Variants in LRRC7 observed in about 807,000 individuals in gnomAD.
LRRC7 encodes leucine-rich repeat-containing protein 7.
LRRC7 carries 23 observed loss-of-function variants against 175.7 expected under a neutral mutation model. That is an observed-to-expected ratio of 0.13 (90% CI 0.09 to 0.19). LRRC7 has a LOEUF of 0.19. Ranked by LOEUF, LRRC7 falls within the 10% of genes least tolerant of loss-of-function variation. LRRC7 has a pLI of 1.00. For missense variants in LRRC7, 1,354 were observed against 1,904.7 expected, an observed-to-expected ratio of 0.71 and a Z score of 5.38; for synonymous variants, 685 against 680.9, an observed-to-expected ratio of 1.01 and a Z score of -0.09.
In LRRC7 at chr1:69,684,529, C is replaced by G. The variant is rs933031470; in HGVS notation, c.100+6051C>G. ...GACTCACCTTTCCTGATACTCAATT[C>G]TAAATGAAGCTAAACACTCTGGAAA... On this transcript the variant is annotated intron_variant, in intron 2 of 26. Transcript: ENST00000651989. Among the ~76,000 whole-genome samples the G allele has an allele frequency of 2.0e-5, 3 of 152,108 alleles. No homozygotes were observed. The East Asian group carries it at 5.8e-4, about 29-fold the overall frequency.
chr1:69,948,883 A>G (rs141098939), intron 8 of LRRC7, among the ~76,000 whole-genome samples: 13 of 152,288 alleles, frequency 8.5e-5, no homozygotes, highest in African/African-American at 3.1e-4. Flanking sequence ...AGTTAGGTAG[A>G]ACACTGCCTC....
chr1:69,639,481 A>G (rs1466722888), intron 1 of LRRC7, among the ~76,000 whole-genome samples: 1 of 151,794 alleles, frequency 6.6e-6, no homozygotes, highest in Non-Finnish European at 1.5e-5. Flanking sequence ...TGCAAACTCT[A>G]TTTTTGTGAA....
chr1:69,656,642 T>C (rs777999081), intron 1 of LRRC7, among the ~76,000 whole-genome samples: 85 of 152,032 alleles, frequency 5.6e-4, no homozygotes, highest in Non-Finnish European at 1.9e-4. Context: ...TGTTGCAGCA[T>C]ATGTTTATTT....
At position 70,127,857 on chromosome 1, in the gene LRRC7, CAAAG is replaced by C. The variant is rs375209817; in HGVS notation, c.*5972_*5975del. 1.6e-3 allele frequency among the ~76,000 whole-genome samples: 239 copies of C among 152,246 alleles called. No homozygotes were observed. The highest frequency in any genetic ancestry group is 5.6e-3 in the African/African-American group (234 of 41,544). ...GTTGGAACCACTATGTAGTCCTACC[CAAAG>C]ACAAGGTCTGGGTCAAATTTCCACA... On this transcript the variant is annotated 3_prime_UTR_variant, in exon 27 of 27. Coordinates refer to ENST00000651989, the MANE Select transcript of LRRC7 (RefSeq NM_001370785.2).
At chr1:69,951,918 C>T (rs1039780949) in intron 8 of LRRC7, among the ~76,000 whole-genome samples, 1 of 151,408 alleles carries the variant, frequency 6.6e-6, no homozygotes, top group African/African-American at 2.4e-5. Flanking sequence ...TACCCCCTAA[C>T]CTAAAATAAA....
rs1042464832 is a variant in LRRC7 at position 70,018,620 on chromosome 1, T to C, written c.1321-99T>C. 7 of 619,100 alleles carry C rather than the reference T, an allele frequency of 1.1e-5. No individual in the cohort carries two copies. The Admixed American group carries it at 2.2e-4, about 19-fold the overall frequency. The allele number at this position is 619,100 out of a possible 1,614,324, so 38.4% of individuals were successfully genotyped here. ...TTTCTTATTTTATTTCTTTTTTCAC[T>C]TTTTCCCCCCAATGTTTATTTATCT... On this transcript the variant is annotated intron_variant, in intron 14 of 26. Transcript: ENST00000651989.
intron 8 of LRRC7, among the ~76,000 whole-genome samples, chr1:69,962,947 A>G (rs879842647): frequency 6.6e-6 from 1 of 152,076 alleles, no homozygotes; most frequent in Non-Finnish European, 1.5e-5. Context: ...CTGTGTAACA[A>G]TCCTGCACAT....
At chr1:69,945,670 T>C (rs1000516410) in intron 8 of LRRC7, among the ~76,000 whole-genome samples, 1 of 152,248 alleles carries the variant, frequency 6.6e-6, no homozygotes. Flanking sequence ...TCTTCTTCAA[T>C]TTATTTCATC....
intron 3 of LRRC7, among the ~76,000 whole-genome samples, chr1:69,770,121 C>G (rs984769639): frequency 6.6e-6 from 1 of 152,132 alleles, no homozygotes. Context: ...GTAACCGTGA[C>G]AGTTGTTCAA....
chr1:69,837,291 G>A (rs1014126176), intron 6 of LRRC7, among the ~76,000 whole-genome samples: 1 of 151,852 alleles, frequency 6.6e-6, no homozygotes, highest in African/African-American at 2.4e-5. Context: ...ATGAAATATG[G>A]TATATTGCAG....
intron 4 of LRRC7, among the ~76,000 whole-genome samples, chr1:69,792,889 T>G (rs752446390): frequency 1.2e-4 from 18 of 152,188 alleles, no homozygotes; most frequent in Non-Finnish European, 2.4e-4. Flanking sequence ...GTCTCTTGCA[T>G]CCTTGTTCAT....
chr1:69,815,907 T>C (rs1212820640), intron 4 of LRRC7, among the ~76,000 whole-genome samples: 1 of 152,136 alleles, frequency 6.6e-6, no homozygotes, highest in East Asian at 1.9e-4. Context: ...CTTCTCACTA[T>C]GTCTTCAGCT....
At chr1:69,584,561 C>T (rs1004597069) in intron 1 of LRRC7, among the ~76,000 whole-genome samples, 2 of 152,066 alleles carry the variant, frequency 1.3e-5, no homozygotes, top group African/African-American at 4.8e-5. Context: ...ACCCATCTCA[C>T]ATAAATATTG....
At chr1:70,038,061 A>G in intron 20 of LRRC7, 52 bp from the exon 21 acceptor site, 1 of 1,534,310 alleles carries the variant, frequency 6.5e-7, no homozygotes, top group Non-Finnish European at 8.8e-7. Context: ...TCTTTCTGCC[A>G]AAGACCCAAC....
intron 1 of LRRC7, among the ~76,000 whole-genome samples, chr1:69,658,964 G>T (rs1234036596): frequency 6.6e-6 from 1 of 152,020 alleles, no homozygotes; most frequent in Non-Finnish European, 1.5e-5. Flanking sequence ...ATGTCTAAAG[G>T]AGCATAGAAA....
chr1:69,935,834 T>C (rs2101783955), intron 8 of LRRC7, among the ~76,000 whole-genome samples: 1 of 152,262 alleles, frequency 6.6e-6, no homozygotes, highest in South Asian at 2.1e-4. Context: ...AATAAGAAAA[T>C]GTATAGTTTT....
At chr1:70,014,660 A>AT (rs1051393392) in intron 13 of LRRC7, among the ~76,000 whole-genome samples, 7 of 152,084 alleles carry the variant, frequency 4.6e-5, no homozygotes, top group Non-Finnish European at 1.0e-4. Context: ...TGGAGAAAAG[A>AT]TTAAGCAATG....
chr1:70,019,087 G>A (rs960839504), intron 15 of LRRC7, among the ~76,000 whole-genome samples: 1 of 151,830 alleles, frequency 6.6e-6, no homozygotes, highest in African/African-American at 2.4e-5. Flanking sequence ...TCTCTTTATG[G>A]ATTGCAAGAC....
chr1:70,059,474 A>ATGTGTGT (rs1661405690), intron 23 of LRRC7, among the ~76,000 whole-genome samples: 205 of 132,286 alleles, frequency 1.5e-3, no homozygotes, highest in South Asian at 4.4e-3. Context: ...ACTAGAAGAA[A>ATGTGTGT]GTGTGTGTGT....
Sources: gnomAD v4.1 joint callset for allele counts (sites outside exome capture counted in the v4.1 genomes callset) on GRCh38, gnomAD v4.1.1 for gene constraint, MANE v1.5 for transcripts, NCBI Gene and HGNC (gene_info 2026-07-23, HGNC 2026-07-21) for gene names.